Variants in PCDHA2 observed in about 807,000 individuals in gnomAD.
The protein encoded by PCDHA2 is protocadherin alpha 2, also known as protocadherin alpha-2.
In PCDHA2, 58 loss-of-function variants were observed where a neutral mutation model predicts 66.0. The ratio of observed to expected loss-of-function variants is 0.88; its 90% CI spans 0.71 to 1.09. The LOEUF (loss-of-function observed/expected upper bound fraction) is 1.09, where lower values mean the gene tolerates loss of function less well. Among genes scored for constraint, PCDHA2 ranks in the 50% least tolerant of loss-of-function variants. The pLI, the probability that PCDHA2 is intolerant of heterozygous loss-of-function variation, is 0.00. For missense variants in PCDHA2, 1,267 were observed against 1,242.3 expected, an observed-to-expected ratio of 1.02 and a Z score of -0.30; for synonymous variants, 634 against 554.0, an observed-to-expected ratio of 1.14 and a Z score of -2.03.
intron 3 of PCDHA2, among the ~76,000 whole-genome samples, chr5:140,999,060 G>A (rs1199782818): frequency 1.3e-5 from 2 of 152,210 alleles, no homozygotes; most frequent in East Asian, 1.9e-4. Context: ...CCATGCCTAA[G>A]TAGTCTCCTT....
intron 1 of PCDHA2, chr5:140,967,958 C>T (rs202159883): frequency 5.6e-6 from 9 of 1,614,182 alleles, no homozygotes; most frequent in East Asian, 2.2e-5. Flanking sequence ...AGGCCCCAAC[C>T]GGAAAGTGAG....
chr5:140,807,003 A>T, intron 1 of PCDHA2: 1 of 732,428 alleles, frequency 1.4e-6, no homozygotes, highest in Non-Finnish European at 2.2e-6. Context: ...GTCGCTCTTT[A>T]CCACAAAATA....
chr5:140,916,046 C>T (rs2077416983), intron 1 of PCDHA2, among the ~76,000 whole-genome samples: 1 of 152,202 alleles, frequency 6.6e-6, no homozygotes, highest in Admixed American at 6.5e-5. Context: ...TTTCCACAGG[C>T]AGAGGTGCCT....
chr5:140,869,964 T>A (rs546576795), intron 1 of PCDHA2: 1 of 1,613,046 alleles, frequency 6.2e-7, no homozygotes, highest in African/African-American at 1.3e-5. Context: ...TTAAGCCCAA[T>A]GGAAGACACT....
chr5:140,999,812 G>A (rs1305602487), intron 3 of PCDHA2, among the ~76,000 whole-genome samples: 2 of 152,270 alleles, frequency 1.3e-5, no homozygotes, highest in East Asian at 3.9e-4. Flanking sequence ...CACAAAGCAA[G>A]AGCTGTGGCT....
chr5:140,975,612 C>T (rs1554236918), intron 1 of PCDHA2, among the ~76,000 whole-genome samples: 1 of 152,194 alleles, frequency 6.6e-6, no homozygotes, highest in Non-Finnish European at 1.5e-5. Flanking sequence ...ATGTCTTCCA[C>T]ATGGATTTCC....
chr5:140,888,620 C>T lies in PCDHA2; in HGVS notation c.2389-90329C>T, dbSNP rs183005411. Among the ~76,000 whole-genome samples the T allele has an allele frequency of 3.4e-3, 514 of 152,264 alleles. 3 individuals are homozygous for T. The highest frequency in any genetic ancestry group is 0.014 in the Middle Eastern group (4 of 294). On this transcript the variant is annotated intron_variant, in intron 1 of 3. Coordinates refer to ENST00000526136, the MANE Select transcript of PCDHA2 (RefSeq NM_018905.3). ...AGCAGCTTTTAGTGTAGCACTAATT[C>T]GGCCTTCTATTACAGCAATACTTTC...
chr5:140,794,931 TC>T lies in PCDHA2; in HGVS notation c.-33del. 2 of 1,561,502 alleles carry T rather than the reference TC, an allele frequency of 1.3e-6. No individual in the cohort carries two copies. Among genetic ancestry groups the T allele is most frequent in the Non-Finnish European group, 1.7e-6 (2 of 1,156,450 alleles). On this transcript the variant is annotated 5_prime_UTR_variant, in exon 1 of 4. It removes the in-frame stop codon of an upstream open reading frame in the 5' UTR. Transcript: ENST00000526136. ...ATATTTAAATTTTTGCAAAACATGC[TC>T]TTCTAATTTGATCAAAACATTGAGG...
At chr5:140,895,207 T>C (rs1392562241) in intron 1 of PCDHA2, among the ~76,000 whole-genome samples, 2 of 152,208 alleles carry the variant, frequency 1.3e-5, no homozygotes, top group Non-Finnish European at 2.9e-5. Context: ...TTTGCTTTTA[T>C]TTCTAATATT....
intron 1 of PCDHA2, among the ~76,000 whole-genome samples, chr5:140,934,942 A>G (rs146210062): frequency 2.5e-3 from 376 of 152,312 alleles, no homozygotes; most frequent in African/African-American, 8.6e-3. Flanking sequence ...AAACTAGTAT[A>G]GAGAGATCCC....
chr5:140,948,645 C>T (rs1468901970), intron 1 of PCDHA2, among the ~76,000 whole-genome samples: 1 of 151,562 alleles, frequency 6.6e-6, no homozygotes. Flanking sequence ...CATCTTTTAA[C>T]GTCTGTATAA....
intron 1 of PCDHA2, chr5:140,828,582 C>A: frequency 6.2e-7 from 1 of 1,614,224 alleles, no homozygotes; most frequent in Non-Finnish European, 8.5e-7. Context: ...GATGTTGGCT[C>A]AAATTCCATC....
intron 1 of PCDHA2, among the ~76,000 whole-genome samples, chr5:140,891,735 A>G (rs1200695234): frequency 2.6e-5 from 4 of 152,172 alleles, no homozygotes; most frequent in African/African-American, 9.7e-5. Context: ...TGAAAATTCA[A>G]TCCCTTATAC....
At chr5:140,877,456 A>G (rs782196648) in intron 1 of PCDHA2, 18 of 1,613,802 alleles carry the variant, frequency 1.1e-5, no homozygotes, top group Non-Finnish European at 1.5e-5. Flanking sequence ...GCTGACGTCC[A>G]CGGCCACGGT....
At chr5:140,835,974 T>A (rs782216011) in intron 1 of PCDHA2, 1 of 1,612,180 alleles carries the variant, frequency 6.2e-7, no homozygotes, top group African/African-American at 1.3e-5. Context: ...GCTGGAGCTG[T>A]TGCAGTTCCA....
chr5:140,805,396 G>A, intron 1 of PCDHA2: 1 of 1,084,042 alleles, frequency 9.2e-7, no homozygotes, highest in Non-Finnish European at 1.1e-6. Flanking sequence ...GTTTCTGTTT[G>A]ATTCAGAAAT....
intron 1 of PCDHA2, chr5:140,852,271 A>C (rs1554145738): frequency 6.0e-6 from 3 of 502,014 alleles, no homozygotes; most frequent in African/African-American, 2.1e-5. Context: ...ACAATATTAC[A>C]TGTTTTTTGT....
At chr5:140,807,999 A>G (rs1554124378) in intron 1 of PCDHA2, 1 of 1,613,834 alleles carries the variant, frequency 6.2e-7, no homozygotes, top group South Asian at 1.1e-5. Flanking sequence ...GATTTAGACG[A>G]AGGATTGAAT....
At chr5:140,854,558 G>A (rs1344773407) in intron 1 of PCDHA2, 1 of 149,764 alleles carries the variant, frequency 6.7e-6, no homozygotes, top group East Asian at 1.9e-4. Flanking sequence ...CATAAATATT[G>A]TTGCTCTGTC....
Sources: gnomAD v4.1 joint callset for allele counts (sites outside exome capture counted in the v4.1 genomes callset) on GRCh38, gnomAD v4.1.1 for gene constraint, MANE v1.5 for transcripts, NCBI Gene and HGNC (gene_info 2026-07-23, HGNC 2026-07-21) for gene names.